Variants in SEC16A observed in about 807,000 individuals in gnomAD.
The protein encoded by SEC16A is protein transport protein Sec16A.
SEC16A carries 110 observed loss-of-function variants against 221.9 expected under a neutral mutation model. The ratio of observed to expected loss-of-function variants is 0.50; its 90% confidence interval spans 0.42 to 0.58. SEC16A has a LOEUF of 0.58. Among genes scored for constraint, SEC16A ranks in the 20% least tolerant of loss-of-function variants. SEC16A has a pLI of 0.00. For missense variants in SEC16A, 3,165 were observed against 3,097.8 expected, an observed-to-expected ratio of 1.02 and a Z score of -0.52; for synonymous variants, 1,393 against 1,257.7, an observed-to-expected ratio of 1.11 and a Z score of -2.28.
In SEC16A at chr9:136,447,522, G is replaced by C; in HGVS notation, c.6559+47C>G. The C allele has an allele frequency of 6.4e-7, 1 of 1,558,180 alleles. No homozygotes were observed. The highest frequency in any genetic ancestry group is 1.1e-5 in the South Asian group (1 of 88,696). ...AGCTACACATTGGCCTCTCTCTCTGGGACAGTTAATCGTTCAAGCAAGCTC... is the reference window on the plus strand; with the variant it reads ...AGCTACACATTGGCCTCTCTCTCTGCGACAGTTAATCGTTCAAGCAAGCTC... On this transcript the variant is annotated intron_variant, in intron 26 of 31. Transcript: ENST00000684901. The surrounding 1 kb of genome is among the most constrained non-coding windows in gnomAD (Gnocchi z 5.5).
intron 13 of SEC16A, among the ~76,000 whole-genome samples, 179 bp from the exon 14 acceptor site, chr9:136,460,302 A>G (rs1323823724): frequency 1.3e-5 from 2 of 152,112 alleles, no homozygotes; most frequent in Non-Finnish European, 2.9e-5. Flanking sequence ...TAAAAATACA[A>G]AAATTAGCCG....
In SEC16A at chr9:136,476,385, G is replaced by T; in HGVS notation, c.1231C>A (p.Arg411Ser). 6.2e-7 allele frequency: 1 copy of T among 1,612,828 alleles called. No individual in the cohort carries two copies. The highest frequency in any genetic ancestry group is 1.7e-5 in the Admixed American group (1 of 60,022). Residue 411 changes from arginine (R) to serine (S), a missense_variant, in exon 3 of 32, where the codon CGT becomes AGT. Physicochemically the swap from Arg to Ser is moderately radical, Grantham distance 110 (BLOSUM62 -1). Coordinates refer to ENST00000684901, the MANE Select transcript of SEC16A (RefSeq NM_014866.2). ...CCCACGTGTGTAGGTGCGGGCGGAC[G>T]GCCTAGCCCAGGGCTGGAGCAGAAA... ...DDFCSSPGLG[R>S]PPAPTHVGAG...
chr9:136,468,000 G>A (rs1840367964), intron 5 of SEC16A, among the ~76,000 whole-genome samples: 1 of 152,246 alleles, frequency 6.6e-6, no homozygotes. Flanking sequence ...GGCAGCAGCT[G>A]CCAGCCTCCT....
rs563233578 is a variant in SEC16A, at chr9:136,459,407, G to A, written c.5303+37C>T. ...AGAAGGATTTTGTTTTACTTTGAAA[G>A]GAAAACTTACAGGACTACACTGACT... On this transcript the variant is annotated intron_variant, in intron 16 of 31. Transcript: ENST00000684901. The surrounding 1 kb of genome is among the most constrained non-coding windows in gnomAD (Gnocchi z 6.1). The A allele has an allele frequency of 1.3e-6, 2 of 1,514,478 alleles. No homozygotes were observed. Among genetic ancestry groups the A allele is most frequent in the Non-Finnish European group, 9.0e-7 (1 of 1,111,154 alleles). 93.8% of individuals were successfully genotyped at this position (1,514,478 alleles called of 1,614,324 possible).
At position 136,472,018 on chromosome 9, in the gene SEC16A, G is replaced by A. The variant is rs746718353; in HGVS notation, c.3661C>T (p.Pro1221Ser). 4.3e-6 allele frequency: 7 copies of A among 1,611,640 alleles called. No homozygotes were observed. Among genetic ancestry groups the A allele is most frequent in the East Asian group, 2.2e-5 (1 of 44,890 alleles). ...QNYRYPEPER[P>S]SSRASHSSER... The stretch of plus-strand genomic sequence containing the variant: ...GAGGAGTGGCTGGCTCGGGAGCTGG[G>A]CCGCTCGGGCTCGGGATAGCGGTAG... Residue 1221 changes from proline (P) to serine (S), a missense_variant, in exon 4 of 32, where the codon CCC becomes TCC. Physicochemically the swap from Pro to Ser is moderately conservative, Grantham distance 74. This residue lies in a region of SEC16A where 2,030 missense variants were observed against 1,923.1 expected (regional missense o/e 1.06). Coordinates refer to ENST00000684901, the MANE Select transcript of SEC16A (RefSeq NM_014866.2).
intron 1 of SEC16A, among the ~76,000 whole-genome samples, chr9:136,481,190 AGTGGCGCGATCTCGG>A (rs1842296652): frequency 1.6e-5 from 2 of 124,614 alleles, no homozygotes; most frequent in Non-Finnish European, 3.1e-5. Flanking sequence ...GCTGGAGTGC[AGTGGCGCGATCTCGG>A]CTCACTGCAG....
At chr9:136,454,405 T>C (rs949253183) in intron 20 of SEC16A, 78 bp from the exon 21 acceptor site, 1 of 1,301,858 alleles carries the variant, frequency 7.7e-7, no homozygotes, top group Non-Finnish European at 1.1e-6. Context: ...ACACTCGACG[T>C]GTTTATGACA....
In SEC16A at chr9:136,477,035, C is replaced by T. The variant is rs746028039; in HGVS notation, c.581G>A (p.Gly194Asp). ...RPLSRQNPHD[G>D]VVTPAASPSL... Reference sequence around the variant, plus strand: ...AGGGGATGCTGCTGGGGTGACCACACCGTCATGTGGGTTTTGCCTGCTCAG... The same window carrying T: ...AGGGGATGCTGCTGGGGTGACCACATCGTCATGTGGGTTTTGCCTGCTCAG... Residue 194 changes from glycine to aspartate, a missense_variant, in exon 3 of 32, where the codon GGT (glycine) becomes GAT (aspartate). Around this residue, in one of 3 missense-constraint regions of SEC16A, gnomAD observed 2,030 missense variants for 1,923.1 expected, o/e 1.06. Transcript: ENST00000684901. The T allele has an allele frequency of 3.7e-6, 6 of 1,613,708 alleles. No homozygotes were observed. In the Admixed American group the frequency reaches 5.0e-5, roughly 13 times the overall value.
intron 30 of SEC16A, 138 bp from the exon 31 acceptor site, chr9:136,444,038 C>T: frequency 1.7e-6 from 1 of 571,618 alleles, no homozygotes; most frequent in Non-Finnish European, 3.1e-6. Context: ...CAAGACACTT[C>T]TTGCAACACT....
At chr9:136,445,540 C>T (rs891589414) in intron 29 of SEC16A, 105 bp downstream of exon 29, 3 of 828,418 alleles carry the variant, frequency 3.6e-6, no homozygotes, top group Non-Finnish European at 5.7e-6. Flanking sequence ...TTCTAAACTG[C>T]CTCTTCCTAC....
In SEC16A at chr9:136,455,727, C is replaced by G. The variant is rs774548304; in HGVS notation, c.5731G>C (p.Glu1911Gln). Residue 1911 changes from glutamate to glutamine, a missense_variant, in exon 20 of 32, where the codon GAG (glutamate) becomes CAG (glutamine). Physicochemically the swap from Glu to Gln is conservative, Grantham distance 29. This residue lies in a region of SEC16A where 1,088 missense variants were observed against 1,089.6 expected (regional missense o/e 1.00). Transcript: ENST00000684901. ...PQQCPGTPSS[E>Q]MEQLDRPGLS... ...CCTGGCCTGTCCAACTGCTCCATCT[C>G]GGAACTCGGAGTGCCAGGACACTGC... The G allele has an allele frequency of 6.3e-7, 1 of 1,596,484 alleles. No homozygotes were observed. The highest frequency in any genetic ancestry group is 8.5e-7 in the Non-Finnish European group (1 of 1,172,162).
chr9:136,474,422 T>G lies in SEC16A; in HGVS notation c.3194A>C (p.Gln1065Pro). 6.2e-7 allele frequency: 1 copy of G among 1,613,052 alleles called. No homozygotes were observed. The highest frequency in any genetic ancestry group is 8.5e-7 in the Non-Finnish European group (1 of 1,179,904). Reference protein sequence around the residue: ...ERAQQELVPPQQQASPPQLPK... With the variant: ...ERAQQELVPPPQQASPPQLPK... ...TAGTTGTGGGGGAGAAGCCTGTTGC[T>G]GGGGTGGCACCAGCTCCTGCTGGGC... Residue 1065 changes from glutamine (Q) to proline (P), a missense_variant, in exon 3 of 32, where the codon CAG (glutamine) becomes CCG (proline). Around this residue, in one of 3 missense-constraint regions of SEC16A, gnomAD observed 2,030 missense variants for 1,923.1 expected, o/e 1.06. Coordinates refer to ENST00000684901, the MANE Select transcript of SEC16A (RefSeq NM_014866.2).
At chr9:136,446,009 C>T (rs970739254) in intron 28 of SEC16A, among the ~76,000 whole-genome samples, 2 of 152,024 alleles carry the variant, frequency 1.3e-5, no homozygotes, top group African/African-American at 2.4e-5. Context: ...GAGGCTTAGA[C>T]AGGTGAGTGA....
Position 136,466,567 on chromosome 9 carries a change from G to T in SEC16A, c.3930-105C>A. ...AGCTGAGACCGAGACCCCTGGGGCC[G>T]AGGCACAACACAGCACACCCGACAC... is the stretch of plus-strand genomic sequence containing the variant. On this transcript the variant is annotated intron_variant, in intron 6 of 31. Coordinates refer to ENST00000684901, the MANE Select transcript of SEC16A (RefSeq NM_014866.2). The surrounding 1 kb of genome is among the most constrained non-coding windows in gnomAD (Gnocchi z 5.5). 9.3e-7 allele frequency: 1 copy of T among 1,078,518 alleles called. No individual in the cohort carries two copies. The highest frequency in any genetic ancestry group is 1.3e-6 in the Non-Finnish European group (1 of 761,952). 66.8% of individuals were successfully genotyped at this position (1,078,518 alleles called of 1,614,324 possible). A position where few individuals can be genotyped will look rare whatever the true frequency, so the allele number is the denominator to read the frequency against.
intron 1 of SEC16A, among the ~76,000 whole-genome samples, chr9:136,480,572 C>T (rs1842193935): frequency 6.6e-6 from 1 of 152,148 alleles, no homozygotes; most frequent in Non-Finnish European, 1.5e-5. Context: ...ACAGTGGATT[C>T]TGGGATGTCC....
intron 1 of SEC16A, among the ~76,000 whole-genome samples, chr9:136,481,018 T>G (rs1165738490): frequency 6.6e-6 from 1 of 152,216 alleles, no homozygotes; most frequent in Non-Finnish European, 1.5e-5. Flanking sequence ...CCACTTTCAT[T>G]TGGAACAATC....
chr9:136,460,025 C>T lies in SEC16A; in HGVS notation c.5073+17G>A, dbSNP rs1839259475. 1 of 1,593,276 alleles carries T rather than the reference C, an allele frequency of 6.3e-7. No homozygotes were observed. Among genetic ancestry groups the T allele is most frequent in the East Asian group, 2.3e-5 (1 of 43,846 alleles). ...AGGCAGTGGAGCCTGTGCAAGCCAC[C>T]AGGCAGTGCCACTCACCGTGGACGC... On this transcript the variant is annotated intron_variant, in intron 14 of 31. Coordinates refer to ENST00000684901, the MANE Select transcript of SEC16A (RefSeq NM_014866.2).
chr9:136,461,300 G>C lies in SEC16A; in HGVS notation c.4894-26C>G, dbSNP rs756956574. 4.3e-5 allele frequency: 66 copies of C among 1,548,828 alleles called. 1 individual carries two copies. In the Admixed American group the frequency reaches 1.1e-3, roughly 26 times the overall value. The stretch of plus-strand genomic sequence containing the variant: ...CTGCAAAAGGCATTTCAGGGACCTT[G>C]GTGGGTTATCGGCGGCGCTCACGTG... On this transcript the variant is annotated intron_variant, in intron 12 of 31. Coordinates refer to ENST00000684901, the MANE Select transcript of SEC16A (RefSeq NM_014866.2).
chr9:136,446,782 A>T, intron 28 of SEC16A, 73 bp downstream of exon 28: 2 of 1,463,494 alleles, frequency 1.4e-6, no homozygotes, highest in East Asian at 4.5e-5. Context: ...GCAGAAGGCA[A>T]GGCCCTGTCT....
Sources: gnomAD v4.1 joint callset for allele counts (sites outside exome capture counted in the v4.1 genomes callset) on GRCh38, gnomAD v4.1.1 for gene constraint, gnomAD v4.1.1 regional missense constraint, Gnocchi (gnomAD v3.1) non-coding constraint, MANE v1.5 for transcripts, NCBI Gene and HGNC (gene_info 2026-07-23, HGNC 2026-07-21) for gene names.